The following AHCYL2 variants were observed in gnomAD, a reference collection of about 807,000 sequenced individuals.
AHCYL2 encodes adenosylhomocysteinase like 2.
A neutral mutation model predicts 81.4 loss-of-function variants in AHCYL2; 28 were observed. That is an observed-to-expected ratio of 0.34 (90% CI 0.25 to 0.47). AHCYL2 has a LOEUF of 0.47. Among genes scored for constraint, AHCYL2 ranks in the 20% least tolerant of loss-of-function variants. The probability of loss-of-function intolerance (pLI) is 1.00; values close to 1 mark genes in which losing one functional copy is unlikely to be tolerated. For missense variants in AHCYL2, 551 were observed against 785.1 expected (o/e 0.70, Z 3.56); for synonymous variants, 272 against 290.2 (o/e 0.94, Z 0.64).
At chr7:129,227,166 G>T (rs958803263) in intron 1 of AHCYL2, among the ~76,000 whole-genome samples, 5 of 152,098 alleles carry the variant, frequency 3.3e-5, no homozygotes, top group African/African-American at 1.2e-4. Flanking sequence ...AGAAATATTT[G>T]TAAAAGGTTT....
Position 129,266,525 on chromosome 7 carries a change from G to A in AHCYL2, c.363+41086G>A, listed in dbSNP as rs187455617. Among the ~76,000 whole-genome samples the A allele has an allele frequency of 9.1e-4, 138 of 151,434 alleles. 1 individual carries two copies. Among genetic ancestry groups the A allele is most frequent in the Admixed American group, 2.1e-3 (32 of 15,200 alleles). ...TCCTGGGCAACAAGAGTGAAACTCC[G>A]TCCCCCGCCAAAAAAAAAAAATTAC... On this transcript the variant is annotated intron_variant, in intron 1 of 16. Transcript: ENST00000325006.
At chr7:129,276,532 C>T (rs1024419054) in intron 1 of AHCYL2, among the ~76,000 whole-genome samples, 4 of 151,536 alleles carry the variant, frequency 2.6e-5, no homozygotes, top group African/African-American at 4.8e-5. Context: ...AGGTGGATCA[C>T]TTGAGGTCAG....
chr7:129,326,267 C>T (rs1798221144), intron 1 of AHCYL2, among the ~76,000 whole-genome samples: 1 of 152,066 alleles, frequency 6.6e-6, no homozygotes, highest in Admixed American at 6.6e-5. Context: ...TGGCTTACAC[C>T]TGTAATCCCA....
chr7:129,355,382 G>T (rs191093619), intron 1 of AHCYL2, among the ~76,000 whole-genome samples: 2 of 152,070 alleles, frequency 1.3e-5, no homozygotes, highest in Non-Finnish European at 2.9e-5. Flanking sequence ...GTTATCTCTG[G>T]GTTCAATGAT....
chr7:129,391,550 C>T (rs2150909209), intron 4 of AHCYL2, among the ~76,000 whole-genome samples: 1 of 152,314 alleles, frequency 6.6e-6, no homozygotes, highest in African/African-American at 2.4e-5. Context: ...AATGCCCCCA[C>T]AATTTTCTAG....
intron 1 of AHCYL2, among the ~76,000 whole-genome samples, chr7:129,354,691 A>G (rs965513483): frequency 1.3e-5 from 2 of 152,208 alleles, no homozygotes; most frequent in Non-Finnish European, 2.9e-5. Context: ...CATTAAGAAG[A>G]TAGATTGAAC....
chr7:129,397,158 CTT>C, intron 4 of AHCYL2, 62 bp from the exon 5 acceptor site: 1 of 1,360,608 alleles, frequency 7.3e-7, no homozygotes. Context: ...AATATATAAA[CTT>C]TATCTCCTTG....
At chr7:129,315,192 A>G (rs17168512) in intron 1 of AHCYL2, among the ~76,000 whole-genome samples, 36,991 of 151,930 alleles carry the variant, frequency 0.24, 4,576 homozygotes, top group South Asian at 0.37. Context: ...TTTCTTCTCT[A>G]CACTTATGTT....
At chr7:129,423,771 T>C (rs1797227656) in intron 13 of AHCYL2, among the ~76,000 whole-genome samples, 1 of 152,226 alleles carries the variant, frequency 6.6e-6, no homozygotes, top group Non-Finnish European at 1.5e-5. Flanking sequence ...TAGGAGTTTT[T>C]AGTGTCCTTA....
intron 1 of AHCYL2, among the ~76,000 whole-genome samples, chr7:129,344,889 T>C (rs1378952639): frequency 1.3e-5 from 2 of 152,152 alleles, no homozygotes; most frequent in African/African-American, 4.8e-5. Flanking sequence ...GCATGGTGGC[T>C]CACACCTGTA....
intron 1 of AHCYL2, among the ~76,000 whole-genome samples, chr7:129,323,488 T>C (rs2150792191): frequency 6.6e-6 from 1 of 152,336 alleles, no homozygotes; most frequent in South Asian, 2.1e-4. Flanking sequence ...TATTTTATAT[T>C]GTTAAATGTT....
intron 1 of AHCYL2, among the ~76,000 whole-genome samples, chr7:129,338,454 C>G (rs1563202425): frequency 6.6e-6 from 1 of 152,162 alleles, no homozygotes; most frequent in Non-Finnish European, 1.5e-5. Context: ...TGTGCCTGGC[C>G]TACCTTATAA....
At chr7:129,345,331 C>G (rs1793325282) in intron 1 of AHCYL2, among the ~76,000 whole-genome samples, 1 of 152,148 alleles carries the variant, frequency 6.6e-6, no homozygotes, top group African/African-American at 2.4e-5. Flanking sequence ...GACAAACATA[C>G]AGTATTCTTT....
chr7:129,399,141 C>CAAAAAAAAAA (rs71162600), intron 5 of AHCYL2, among the ~76,000 whole-genome samples: 2 of 44,952 alleles, frequency 4.4e-5, no homozygotes, highest in Admixed American at 3.7e-4. Context: ...GACTCCATCT[C>CAAAAAAAAAA]AAAAAAAAAA....
chr7:129,225,564 T>G (rs1311506085), intron 1 of AHCYL2, 125 bp downstream of exon 1: 1 of 1,375,180 alleles, frequency 7.3e-7, no homozygotes, highest in African/African-American at 1.5e-5. Flanking sequence ...ATACCCCTTG[T>G]CCCCTTAAAC....
intron 12 of AHCYL2, among the ~76,000 whole-genome samples, chr7:129,421,106 G>T (rs530221756): frequency 6.6e-6 from 1 of 152,204 alleles, no homozygotes; most frequent in Non-Finnish European, 1.5e-5. Flanking sequence ...ATAAAAATTA[G>T]CTGGGCATGA....
intron 1 of AHCYL2, among the ~76,000 whole-genome samples, chr7:129,253,081 G>A (rs982064177): frequency 6.6e-5 from 10 of 151,960 alleles, no homozygotes; most frequent in Admixed American, 1.3e-4. Context: ...GGTGGCGGGC[G>A]CCTGTAATCC....
intron 4 of AHCYL2, among the ~76,000 whole-genome samples, chr7:129,391,560 G>T (rs1409724491): frequency 6.6e-6 from 1 of 152,146 alleles, no homozygotes; most frequent in Non-Finnish European, 1.5e-5. Flanking sequence ...CAATTTTCTA[G>T]ATCTCCTCTT....
intron 1 of AHCYL2, among the ~76,000 whole-genome samples, chr7:129,236,687 A>G (rs1221988838): frequency 6.6e-6 from 1 of 152,232 alleles, no homozygotes; most frequent in Non-Finnish European, 1.5e-5. Flanking sequence ...ACCATTTTAC[A>G]TATCAGCTAA....
Sources: allele counts gnomAD v4.1 joint callset (sites outside exome capture counted in the v4.1 genomes callset), GRCh38; gene constraint gnomAD v4.1.1; transcripts MANE v1.5; gene names NCBI Gene and HGNC (gene_info 2026-07-23, HGNC 2026-07-21).